The following FAM222B variants were observed in gnomAD, a reference collection of about 807,000 sequenced individuals.
FAM222B encodes protein FAM222B.
In FAM222B, 12 loss-of-function variants were observed where a neutral mutation model predicts 38.0. The observed-to-expected ratio is 0.32, with a 90% CI of 0.20 to 0.51. The LOEUF is 0.51. Ranked by LOEUF, FAM222B falls within the 20% of genes least tolerant of loss-of-function variation. FAM222B has a pLI of 0.97. For missense variants in FAM222B, 716 were observed against 754.2 expected, an observed-to-expected ratio of 0.95 and a Z score of 0.59; for synonymous variants, 329 against 317.2, an observed-to-expected ratio of 1.04 and a Z score of -0.40.
At chr17:28,773,478 T>TC (rs1567810551) in intron 1 of FAM222B, among the ~76,000 whole-genome samples, 1 of 41,300 alleles carries the variant, frequency 2.4e-5, no homozygotes, top group East Asian at 1.1e-3. Context: ...AAACTCTGTC[T>TC]CAAAAAAAAA....
At chr17:28,793,012 G>A (rs2036774607) in intron 1 of FAM222B, among the ~76,000 whole-genome samples, 1 of 151,658 alleles carries the variant, frequency 6.6e-6, no homozygotes, top group Non-Finnish European at 1.5e-5. Flanking sequence ...CGACCTCCTG[G>A]GCTCAACTGC....
At chr17:28,790,580 T>A (rs892844917) in intron 1 of FAM222B, among the ~76,000 whole-genome samples, 1 of 152,114 alleles carries the variant, frequency 6.6e-6, no homozygotes, top group Non-Finnish European at 1.5e-5. Context: ...TAAGACAACA[T>A]GAAAAATAAA....
chr17:28,828,095 A>ATTTTTTTTTTTTT (rs528492764), intron 1 of FAM222B, among the ~76,000 whole-genome samples: 1 of 74,634 alleles, frequency 1.3e-5, no homozygotes, highest in Admixed American at 1.7e-4. Flanking sequence ...ATCAAATCCA[A>ATTTTTTTTTTTTT]TTTTTTTTTT....
At chr17:28,767,769 C>T (rs1176627540) in intron 1 of FAM222B, among the ~76,000 whole-genome samples, 1 of 152,198 alleles carries the variant, frequency 6.6e-6, no homozygotes, top group Non-Finnish European at 1.5e-5. Flanking sequence ...AGCCACCGCA[C>T]CCGGCCGAAC....
At chr17:28,802,459 G>A (rs762841588) in intron 1 of FAM222B, 50 of 152,994 alleles carry the variant, frequency 3.3e-4, no homozygotes, top group Middle Eastern at 3.2e-3. Context: ...AATGGCTCCC[G>A]CAAAGGGTGG....
At position 28,778,665 on chromosome 17, in the gene FAM222B, AGCT is replaced by A. The variant is rs1393317870; in HGVS notation, c.-40-11961_-40-11959del. On this transcript the variant is annotated intron_variant, in intron 1 of 2. Transcript: ENST00000581407. Reference sequence around the variant, plus strand: ...ACTACAGGCGCATGTCATCATGCCTAGCTAATTTTTTTTTTGTGTGTGTGTGTG... The same window carrying A: ...ACTACAGGCGCATGTCATCATGCCTAAATTTTTTTTTTGTGTGTGTGTGTG... 1.7e-4 allele frequency among the ~76,000 whole-genome samples: 19 copies of A among 113,022 alleles called. No homozygotes were observed. In the South Asian group the frequency reaches 5.0e-3, roughly 30 times the overall value. 74.1% of individuals were successfully genotyped at this position (113,022 alleles called of 152,430 possible). A position where few individuals can be genotyped will look rare whatever the true frequency, so the allele number is the denominator to read the frequency against.
intron 1 of FAM222B, among the ~76,000 whole-genome samples, chr17:28,782,757 A>T (rs920296984): frequency 1.3e-5 from 2 of 152,122 alleles, no homozygotes; most frequent in Non-Finnish European, 2.9e-5. Context: ...AATCCCAGCT[A>T]CTTGGGAGGC....
chr17:28,768,651 A>G (rs771556733), intron 1 of FAM222B, among the ~76,000 whole-genome samples: 3 of 152,062 alleles, frequency 2.0e-5, no homozygotes, highest in African/African-American at 7.2e-5. Context: ...AGCGTGGCCA[A>G]CGTGGTGAAA....
At chr17:28,835,084 C>T (rs530784544) in intron 1 of FAM222B, among the ~76,000 whole-genome samples, 1 of 146,288 alleles carries the variant, frequency 6.8e-6, no homozygotes, top group South Asian at 2.2e-4. Context: ...CACGCTCTAT[C>T]GCCCAGGCTA....
At chr17:28,841,239 G>A (rs939070592) in intron 1 of FAM222B, among the ~76,000 whole-genome samples, 1 of 152,098 alleles carries the variant, frequency 6.6e-6, no homozygotes, top group Non-Finnish European at 1.5e-5. Flanking sequence ...AGGTTGCTGT[G>A]AGCCGAGATG....
At chr17:28,797,193 G>A (rs936968166) in intron 1 of FAM222B, among the ~76,000 whole-genome samples, 1 of 151,748 alleles carries the variant, frequency 6.6e-6, no homozygotes, top group African/African-American at 2.4e-5. Context: ...AGTAGAGATG[G>A]GGTTTTGTTG....
intron 1 of FAM222B, among the ~76,000 whole-genome samples, chr17:28,828,005 C>T (rs1016517160): frequency 1.3e-5 from 2 of 149,546 alleles, no homozygotes; most frequent in African/African-American, 4.9e-5. Context: ...TGAAAAAATG[C>T]AGATTTAGGA....
At chr17:28,831,071 T>C (rs1369001808) in intron 1 of FAM222B, among the ~76,000 whole-genome samples, 2 of 150,028 alleles carry the variant, frequency 1.3e-5, no homozygotes, top group African/African-American at 4.9e-5. Flanking sequence ...TCTCGGCCAC[T>C]GCAACCTCTG....
At chr17:28,822,905 A>G (rs77143075) in intron 1 of FAM222B, among the ~76,000 whole-genome samples, 14,476 of 135,330 alleles carry the variant, frequency 0.11, 1,248 homozygotes, top group African/African-American at 0.22. Flanking sequence ...ATATGAATAT[A>G]GAATTAGCCA....
At chr17:28,803,992 CA>C (rs2151908388) in intron 1 of FAM222B, among the ~76,000 whole-genome samples, 1 of 151,708 alleles carries the variant, frequency 6.6e-6, no homozygotes, top group East Asian at 1.9e-4. Context: ...AAAAAAAAAC[CA>C]AAAAGCAAAA....
chr17:28,774,156 T>C (rs2035774324), intron 1 of FAM222B, among the ~76,000 whole-genome samples: 2 of 151,968 alleles, frequency 1.3e-5, no homozygotes, highest in African/African-American at 4.8e-5. Context: ...CTTTTTTTTT[T>C]TTTTCCTGGA....
At chr17:28,796,242 G>A (rs1243848444) in intron 1 of FAM222B, among the ~76,000 whole-genome samples, 1 of 152,206 alleles carries the variant, frequency 6.6e-6, no homozygotes, top group Non-Finnish European at 1.5e-5. Context: ...ACCCTAAGCG[G>A]AGGGAAGCTG....
chr17:28,854,936 T>C (rs2039216772), intron 1 of FAM222B: 2 of 1,379,998 alleles, frequency 1.4e-6, no homozygotes, highest in South Asian at 1.5e-5. Flanking sequence ...GGCTTTCAAT[T>C]TGGGCAGACC....
chr17:28,838,119 A>T (rs1005110436), intron 1 of FAM222B, among the ~76,000 whole-genome samples: 1 of 152,068 alleles, frequency 6.6e-6, no homozygotes, highest in Non-Finnish European at 1.5e-5. Context: ...TACAAAAATT[A>T]TCCGGGCAGT....
Sources: gnomAD v4.1 joint callset for allele counts (sites outside exome capture counted in the v4.1 genomes callset) on GRCh38, gnomAD v4.1.1 for gene constraint, MANE v1.5 for transcripts, NCBI Gene and HGNC (gene_info 2026-07-23, HGNC 2026-07-21) for gene names.